SPP1: variants seen among roughly 807,000 people sequenced by gnomAD.
SPP1 encodes osteopontin.
A neutral mutation model predicts 20.8 loss-of-function variants in SPP1; 18 were observed. The observed-to-expected ratio is 0.87, with a 90% confidence interval of 0.60 to 1.29. The LOEUF (loss-of-function observed/expected upper bound fraction) is 1.29. Ranked by LOEUF, SPP1 falls within the 50% of genes most tolerant of loss-of-function variation. The pLI is 0.00. For missense variants in SPP1, 363 were observed against 389.0 expected, an observed-to-expected ratio of 0.93 and a Z score of 0.56; for synonymous variants, 146 against 141.5, an observed-to-expected ratio of 1.03 and a Z score of -0.23.
chr4:87,981,439 C>T, intron 5 of SPP1, 36 bp from the exon 6 acceptor site: 1 of 1,572,242 alleles, frequency 6.4e-7, no homozygotes, highest in East Asian at 2.2e-5. Context: ...AAATAAAAAC[C>T]CATATATTAA....
chr4:87,980,163 GA>G, intron 4 of SPP1, 37 bp downstream of exon 4: 2 of 1,609,762 alleles, frequency 1.2e-6, no homozygotes, highest in Non-Finnish European at 1.7e-6. Flanking sequence ...CTACAGTGAT[GA>G]AAGATAGCCA....
intron 3 of SPP1, chr4:87,977,802 G>T: frequency 4.7e-6 from 6 of 1,282,450 alleles, no homozygotes; most frequent in Non-Finnish European, 6.1e-6. Flanking sequence ...AAATAGAGCT[G>T]CCTTGGGGGT....
chr4:87,980,490 C>T (rs1207956293), intron 5 of SPP1, 56 bp downstream of exon 5: 1 of 1,576,038 alleles, frequency 6.3e-7, no homozygotes, highest in Non-Finnish European at 8.7e-7. Context: ...TGAAAGAAGG[C>T]ATTGCCTGGA....
At chr4:87,981,877 T>G in intron 6 of SPP1, 79 bp downstream of exon 6, 1 of 1,219,146 alleles carries the variant, frequency 8.2e-7, no homozygotes, top group East Asian at 2.4e-5. Flanking sequence ...TATTCATTCA[T>G]TCATTCATCC....
intron 3 of SPP1, among the ~76,000 whole-genome samples, chr4:87,979,265 C>T (rs952248608): frequency 6.6e-5 from 10 of 150,718 alleles, no homozygotes; most frequent in Admixed American, 6.6e-5. Context: ...CCTGGGTTCA[C>T]GCCATTCTCT....
At chr4:87,979,915 A>AT in intron 3 of SPP1, 131 bp from the exon 4 acceptor site, 1 of 828,356 alleles carries the variant, frequency 1.2e-6, no homozygotes, top group Non-Finnish European at 1.8e-6. Context: ...AAAAAAAAAA[A>AT]AATTACAAAA....
chr4:87,976,541 T>C (rs1210577818), intron 1 of SPP1, among the ~76,000 whole-genome samples: 1 of 152,186 alleles, frequency 6.6e-6, no homozygotes, highest in Non-Finnish European at 1.5e-5. Context: ...AGCTTATTAA[T>C]ATAATTAAGT....
chr4:87,982,509 C>G lies in SPP1; in HGVS notation c.558C>G (p.Asp186Glu), dbSNP rs534065695. The G allele has an allele frequency of 6.2e-7, 1 of 1,613,764 alleles. No homozygotes were observed. The highest frequency in any genetic ancestry group is 1.1e-5 in the South Asian group (1 of 91,030). ...TGATTCAGTACCCTGATGCTACAGA[C>G]GAGGACATCACCTCACACATGGAAA... ...RPDIQYPDAT[D>E]EDITSHMESE... The change falls in exon 7 of 7, where the codon GAC becomes GAG. Residue 186 changes from aspartate to glutamate, a missense_variant. Transcript: ENST00000395080.
intron 3 of SPP1, 82 bp downstream of exon 3, chr4:87,977,179 A>T (rs1725414427): frequency 7.4e-7 from 1 of 1,349,956 alleles, no homozygotes; most frequent in Admixed American, 1.7e-5. Flanking sequence ...TTGCTGCGAT[A>T]TTACTTATCT....
At chr4:87,977,882 G>A (rs1725448859) in intron 3 of SPP1, 2 of 1,130,812 alleles carry the variant, frequency 1.8e-6, no homozygotes, top group Non-Finnish European at 2.2e-6. Context: ...GTGGAGGGGT[G>A]TGTGTGTCTG....
In SPP1 at chr4:87,978,071, T is replaced by C. The variant is rs1725458906; in HGVS notation, c.93+974T>C. The C allele has an allele frequency of 2.3e-5, 4 of 174,442 alleles. No homozygotes were observed. The South Asian group carries it at 5.1e-4, about 22-fold the overall frequency. The allele number at this position is 174,442 out of a possible 1,614,324, so 10.8% of individuals were successfully genotyped here. A position where few individuals can be genotyped will look rare whatever the true frequency, so the allele number is the denominator to read the frequency against. Reference sequence around the variant, plus strand: ...CGTGGAGCTATAACAATTTAAGAAATACGTGAAGAGCTCAAGGCTCAGCCT... The same window carrying C: ...CGTGGAGCTATAACAATTTAAGAAACACGTGAAGAGCTCAAGGCTCAGCCT... On this transcript the variant is annotated intron_variant, in intron 3 of 6. Transcript: ENST00000395080.
intron 3 of SPP1, 142 bp from the exon 4 acceptor site, chr4:87,979,904 C>CAA (rs201149454): frequency 0.018 from 10,635 of 607,452 alleles, 1 homozygote; most frequent in East Asian, 0.068. Context: ...AATGAATCTG[C>CAA]AAAAAAAAAA....
chr4:87,981,552 C>T lies in SPP1; in HGVS notation c.294C>T (p.Asp98=), dbSNP rs146552179. 2.0e-5 allele frequency: 33 copies of T among 1,614,008 alleles called. No homozygotes were observed. The Middle Eastern group carries it at 4.9e-4, about 24-fold the overall frequency. Residue 98 remains aspartate (D), a synonymous_variant, in exon 6 of 7, where the codon GAC becomes GAT. Transcript: ENST00000395080. ...ATGAAGATGATGATGACCATGTGGA[C>T]AGCCAGGACTCCATTGACTCGAACG... ...MDDEDDDDHV[D]SQDSIDSNDS... is the part of the protein sequence containing the mutation.
intron 5 of SPP1, 155 bp downstream of exon 5, chr4:87,980,589 A>G (rs1021419324): frequency 5.8e-5 from 42 of 719,908 alleles, no homozygotes; most frequent in Non-Finnish European, 7.3e-5. Flanking sequence ...TTTACTAAAT[A>G]TCAGAAATAC....
At chr4:87,980,463 A>G (rs1479770392) in intron 5 of SPP1, 29 bp downstream of exon 5, 8 of 1,612,330 alleles carry the variant, frequency 5.0e-6, no homozygotes, top group Non-Finnish European at 6.8e-6. Flanking sequence ...TCAGAGGCCC[A>G]TCATGCCTTG....
At chr4:87,977,164 C>T (rs1578100439) in intron 3 of SPP1, 67 bp downstream of exon 3, 10 of 1,466,716 alleles carry the variant, frequency 6.8e-6, no homozygotes, top group South Asian at 5.7e-5. Context: ...GTGCAAGAAA[C>T]GTATTTGCTG....
rs1309305602 is a variant in SPP1, at chr4:87,979,926, AG to A, written c.94-118del. 16 of 910,776 alleles carry A rather than the reference AG, an allele frequency of 1.8e-5. No individual in the cohort carries two copies. In the African/African-American group the frequency reaches 2.4e-4, roughly 14 times the overall value. The allele number at this position is 910,776 out of a possible 1,614,324, so 56.4% of individuals were successfully genotyped here. On this transcript the variant is annotated intron_variant, in intron 3 of 6. Transcript: ENST00000395080. Reference sequence around the variant, plus strand: ...CTGCAAAAAAAAAAAAATTACAAAAAGGTACCTAAGGGTCCGGGTGACTATA... The same window carrying A: ...CTGCAAAAAAAAAAAAATTACAAAAAGTACCTAAGGGTCCGGGTGACTATA...
chr4:87,982,742 AGG>A lies in SPP1; in HGVS notation c.792_793del (p.Glu265ThrfsTer7), dbSNP rs1725712717. 1 of 1,614,098 alleles carries A rather than the reference AGG, an allele frequency of 6.2e-7. No individual in the cohort carries two copies. The highest frequency in any genetic ancestry group is 1.7e-5 in the Admixed American group (1 of 60,002). On this transcript the variant is annotated frameshift_variant, in exon 7 of 7. Transcript: ENST00000395080. LOFTEE classifies it low-confidence loss of function (END_TRUNC). Reference sequence around the variant, plus strand: ...GAGCATTCCGATGTGATTGATAGTCAGGAACTTTCCAAAGTCAGCCGTGAATT... The same window carrying A: ...GAGCATTCCGATGTGATTGATAGTCAAACTTTCCAAAGTCAGCCGTGAATT...
rs1165074282 is a variant in SPP1 at position 87,980,444 on chromosome 4, C to T, written c.216+10C>T. On this transcript the variant is annotated intron_variant, in intron 5 of 6. Coordinates refer to ENST00000395080, the MANE Select transcript of SPP1 (RefSeq NM_001040058.2). ...TGACTTTAAACAAGAGGTAAGTTCT[C>T]ATTTTCAATCAGAGGCCCATCATGC... The T allele has an allele frequency of 6.2e-7, 1 of 1,613,770 alleles. No homozygotes were observed.
Sources: allele counts gnomAD v4.1 joint callset (sites outside exome capture counted in the v4.1 genomes callset), GRCh38; gene constraint gnomAD v4.1.1; transcripts MANE v1.5; gene names NCBI Gene and HGNC (gene_info 2026-07-23, HGNC 2026-07-21).